Variants in TSHZ2 observed in about 807,000 individuals in gnomAD.
TSHZ2 encodes teashirt homolog 2.
Under a neutral mutation model 74.4 loss-of-function variants are expected in TSHZ2, and 21 were observed. That is an observed-to-expected ratio of 0.28 (90% confidence interval 0.20 to 0.41). TSHZ2 has a LOEUF of 0.41. TSHZ2 is among the 10% of genes least tolerant of loss of function. The pLI, the probability that TSHZ2 is intolerant of heterozygous loss-of-function variation, is 1.00. For missense variants in TSHZ2, 1,244 were observed against 1,293.5 expected, an observed-to-expected ratio of 0.96 and a Z score of 0.59; for synonymous variants, 540 against 515.3, an observed-to-expected ratio of 1.05 and a Z score of -0.65.
chr20:53,455,239 G>A (rs535751456), intron 2 of TSHZ2: 1 of 152,260 alleles, frequency 6.6e-6, no homozygotes, highest in East Asian at 1.9e-4. Context: ...CCTGCTTACG[G>A]TCTTCACAGC....
chr20:53,006,532 A>G (rs1037139739), intron 1 of TSHZ2, among the ~76,000 whole-genome samples: 1 of 152,182 alleles, frequency 6.6e-6, no homozygotes, highest in Admixed American at 6.5e-5. Flanking sequence ...GTCCCTTTTA[A>G]TGTGCACCAC....
Position 53,157,182 on chromosome 20 carries a change from C to G in TSHZ2, c.41-96317C>G, listed in dbSNP as rs201843864. Among the ~76,000 whole-genome samples, 6 of 152,246 alleles carry G rather than the reference C, an allele frequency of 3.9e-5. No individual in the cohort carries two copies. In the East Asian group the frequency reaches 5.8e-4, roughly 15 times the overall value. ...TCTATGAGCAAAGAAGCTAATTTCTCAATTATGCTTGAAATTTAGTAATTC... is the reference window on the plus strand; with the variant it reads ...TCTATGAGCAAAGAAGCTAATTTCTGAATTATGCTTGAAATTTAGTAATTC... On this transcript the variant is annotated intron_variant, in intron 1 of 2. Transcript: ENST00000371497.
In TSHZ2 at chr20:53,337,755, CT is replaced by C. The variant is rs1316198252; in HGVS notation, c.*8+81185del. 2.0e-5 allele frequency among the ~76,000 whole-genome samples: 3 copies of C among 152,332 alleles called. No homozygotes were observed. In the East Asian group the frequency reaches 5.8e-4, roughly 29 times the overall value. On this transcript the variant is annotated intron_variant, in intron 2 of 2. Transcript: ENST00000371497. ...TCCCTTCCATGCGTGGCAGCTGAAA[CT>C]GCTTTTTGATGTAGAGTAGGGCTAT...
chr20:53,005,006 C>T (rs905321579), intron 1 of TSHZ2, among the ~76,000 whole-genome samples: 4 of 152,074 alleles, frequency 2.6e-5, no homozygotes, highest in Non-Finnish European at 5.9e-5. Flanking sequence ...CCCTTAACTG[C>T]ACTACATATA....
At position 53,086,856 on chromosome 20, in the gene TSHZ2, T is replaced by C. The variant is rs917504058; in HGVS notation, c.40+113523T>C. The stretch of plus-strand genomic sequence containing the variant: ...TAGCAATGAACCAATCAAATGTTCT[T>C]GCCTAAGAATTCAGGTAAGGGAGAA... On this transcript the variant is annotated intron_variant, in intron 1 of 2. Coordinates refer to ENST00000371497, the MANE Select transcript of TSHZ2 (RefSeq NM_173485.6). Among the ~76,000 whole-genome samples, 3 of 152,296 alleles carry C rather than the reference T, an allele frequency of 2.0e-5. No individual in the cohort carries two copies. The South Asian group carries it at 6.2e-4, about 32-fold the overall frequency.
intron 1 of TSHZ2, among the ~76,000 whole-genome samples, chr20:52,995,554 A>C (rs1462580589): frequency 6.6e-6 from 1 of 151,986 alleles, no homozygotes; most frequent in African/African-American, 2.4e-5. Context: ...GTTGCAACCA[A>C]GTGCTTTGAA....
At chr20:53,163,009 G>A (rs893042624) in intron 1 of TSHZ2, among the ~76,000 whole-genome samples, 5 of 152,150 alleles carry the variant, frequency 3.3e-5, no homozygotes, top group African/African-American at 7.2e-5. Context: ...TGAAAAGAAT[G>A]TAGGAAAACA....
chr20:53,286,227 T>A (rs1022369833), intron 2 of TSHZ2, among the ~76,000 whole-genome samples: 1 of 152,258 alleles, frequency 6.6e-6, no homozygotes, highest in African/African-American at 2.4e-5. Context: ...AGCGGCTTAT[T>A]AATGATTAGA....
intron 1 of TSHZ2, among the ~76,000 whole-genome samples, chr20:53,097,049 G>A (rs930992422): frequency 4.6e-5 from 7 of 152,148 alleles, no homozygotes; most frequent in African/African-American, 1.7e-4. Context: ...GTGTGTGGTA[G>A]GATGTGTAGC....
rs183599284 is a variant in TSHZ2 at position 53,310,446 on chromosome 20, T to A, written c.*8+53875T>A. ...CCAAACTTAATGGCTTTAAACAACA[T>A]GTTTATTATTTCACAGTTTCTGTGC... On this transcript the variant is annotated intron_variant, in intron 2 of 2. Transcript: ENST00000371497. 2.0e-3 allele frequency among the ~76,000 whole-genome samples: 308 copies of A among 152,320 alleles called. 1 individual carries two copies. The Middle Eastern group carries it at 0.024, about 12-fold the overall frequency.
At chr20:53,229,750 C>A (rs1016963961) in intron 1 of TSHZ2, among the ~76,000 whole-genome samples, 1 of 137,178 alleles carries the variant, frequency 7.3e-6, no homozygotes. Flanking sequence ...CTGACAGAAT[C>A]GAAAGAAAGG....
At position 53,291,209 on chromosome 20, in the gene TSHZ2, C is replaced by T. The variant is rs568132789; in HGVS notation, c.*8+34638C>T. 1.4e-3 allele frequency among the ~76,000 whole-genome samples: 208 copies of T among 152,242 alleles called. 1 individual carries two copies. The highest frequency in any genetic ancestry group is 4.5e-3 in the African/African-American group (188 of 41,542). On this transcript the variant is annotated intron_variant, in intron 2 of 2. Transcript: ENST00000371497. ...AGAGCAGGCTGGGAGCGGTGGCTCA[C>T]GCCTGTAATCCCAGCACCTTGGGAG...
chr20:53,031,229 C>T (rs948501918), intron 1 of TSHZ2, among the ~76,000 whole-genome samples: 2 of 152,170 alleles, frequency 1.3e-5, no homozygotes, highest in African/African-American at 4.8e-5. Context: ...ATTTGATATT[C>T]ACAAGCTTTG....
intron 1 of TSHZ2, among the ~76,000 whole-genome samples, chr20:53,180,975 G>T (rs1213757274): frequency 6.6e-6 from 1 of 151,976 alleles, no homozygotes; most frequent in Non-Finnish European, 1.5e-5. Context: ...TTTAGACTTA[G>T]CTAAAACCCC....
At position 53,121,529 on chromosome 20, in the gene TSHZ2, CAT is replaced by C. The variant is rs543804075; in HGVS notation, c.41-131968_41-131967del. Among the ~76,000 whole-genome samples, 378 of 152,296 alleles carry C rather than the reference CAT, an allele frequency of 2.5e-3. 2 individuals are homozygous for C. The highest frequency in any genetic ancestry group is 8.2e-3 in the African/African-American group (339 of 41,568). ...TGGGGACTGTGATAAACTGAAGACTCATAGCCTCTGGAGGGAGGAACTGCTCT... is the reference window on the plus strand; with the variant it reads ...TGGGGACTGTGATAAACTGAAGACTCAGCCTCTGGAGGGAGGAACTGCTCT... On this transcript the variant is annotated intron_variant, in intron 1 of 2. Coordinates refer to ENST00000371497, the MANE Select transcript of TSHZ2 (RefSeq NM_173485.6).
intron 2 of TSHZ2, among the ~76,000 whole-genome samples, chr20:53,316,759 C>A (rs868636236): frequency 1.3e-5 from 2 of 152,204 alleles, no homozygotes; most frequent in South Asian, 2.1e-4. Context: ...TAAGTAGTTG[C>A]TACAGGACCC....
chr20:53,304,879 C>A (rs1978460120), intron 2 of TSHZ2, among the ~76,000 whole-genome samples: 1 of 152,026 alleles, frequency 6.6e-6, no homozygotes, highest in Non-Finnish European at 1.5e-5. Flanking sequence ...ATCTGCCTGC[C>A]TTGGCCTCCC....
At position 53,225,356 on chromosome 20, in the gene TSHZ2, T is replaced by C. The variant is rs576566280; in HGVS notation, c.41-28143T>C. On this transcript the variant is annotated intron_variant, in intron 1 of 2. Transcript: ENST00000371497. ...GTGTACTTCTATTGACGAGAGCCCATCATGGGTCCCCTGGGTCTTGTACAT... is the reference window on the plus strand; with the variant it reads ...GTGTACTTCTATTGACGAGAGCCCACCATGGGTCCCCTGGGTCTTGTACAT... Among the ~76,000 whole-genome samples the C allele has an allele frequency of 2.1e-3, 316 of 152,364 alleles. 1 individual carries two copies. The highest frequency in any genetic ancestry group is 3.8e-3 in the Non-Finnish European group (261 of 68,044).
chr20:53,192,578 AC>A (rs1555834692), intron 1 of TSHZ2, among the ~76,000 whole-genome samples: 1 of 150,358 alleles, frequency 6.7e-6, no homozygotes, highest in African/African-American at 2.4e-5. Context: ...AAAAAAAAAA[AC>A]CCACAACAAC....
Sources: allele counts gnomAD v4.1 joint callset (sites outside exome capture counted in the v4.1 genomes callset), GRCh38; gene constraint gnomAD v4.1.1; transcripts MANE v1.5; gene names NCBI Gene and HGNC (gene_info 2026-07-23, HGNC 2026-07-21).